KLHL32: variants seen among roughly 807,000 people sequenced by gnomAD.
The protein encoded by KLHL32 is kelch-like protein 32.
In KLHL32, 35 loss-of-function variants were observed where a neutral mutation model predicts 64.8. The observed-to-expected ratio is 0.54, with a 90% CI of 0.41 to 0.72. The LOEUF (loss-of-function observed/expected upper bound fraction) is 0.72. Ranked by LOEUF, KLHL32 falls within the 30% of genes least tolerant of loss-of-function variation. The pLI is 0.00. For missense variants in KLHL32, 589 were observed against 768.5 expected (o/e 0.77, Z 2.76); for synonymous variants, 259 against 281.0 (o/e 0.92, Z 0.78).
At chr6:96,915,538 G>C in the KLHL32 span, among the ~76,000 whole-genome samples, 2 of 152,150 alleles carry the variant, frequency 1.3e-5, no homozygotes, top group African/African-American at 2.4e-5. Context: ...AAGCAGCTCT[G>C]AGTTAGAGGA....
intron 3 of KLHL32, among the ~76,000 whole-genome samples, chr6:96,986,674 G>A (rs191590597): frequency 7.2e-5 from 11 of 152,316 alleles, no homozygotes; most frequent in African/African-American, 2.4e-4. Context: ...TCCAAGCAAT[G>A]CACGGGATAT....
In KLHL32 at chr6:97,084,058, G is replaced by T. The variant is rs113258128; in HGVS notation, c.412-1068G>T. Among the ~76,000 whole-genome samples, 280 of 152,258 alleles carry T rather than the reference G, an allele frequency of 1.8e-3. 1 individual carries two copies. Among genetic ancestry groups the T allele is most frequent in the African/African-American group, 6.6e-3 (273 of 41,528 alleles). ...CCACTTTATACAGTTATCTGCTGAG[G>T]TGCAAACTATGCACCTCAGTAAGGA... On this transcript the variant is annotated intron_variant, in intron 5 of 10. Coordinates refer to ENST00000369261, the MANE Select transcript of KLHL32 (RefSeq NM_052904.4).
chr6:97,056,186 A>G (rs1787878938), intron 4 of KLHL32, among the ~76,000 whole-genome samples: 1 of 145,010 alleles, frequency 6.9e-6, no homozygotes, highest in African/African-American at 2.6e-5. Flanking sequence ...GCTCACTGGA[A>G]GCTCCGCTTC....
At chr6:97,082,143 G>A (rs1006201254) in intron 5 of KLHL32, among the ~76,000 whole-genome samples, 1 of 152,204 alleles carries the variant, frequency 6.6e-6, no homozygotes, top group African/African-American at 2.4e-5. Context: ...AAGAAGTCCA[G>A]ACGGGATGAT....
At chr6:96,931,842 A>G (rs1488156068) in intron 1 of KLHL32, among the ~76,000 whole-genome samples, 2 of 152,144 alleles carry the variant, frequency 1.3e-5, no homozygotes, top group Admixed American at 6.5e-5. Context: ...TTTTGTCTGC[A>G]TCACATTCAC....
upstream of KLHL32, among the ~76,000 whole-genome samples, chr6:96,921,010 A>G (rs923836432): frequency 1.3e-5 from 2 of 152,224 alleles, no homozygotes; most frequent in Admixed American, 1.3e-4. Flanking sequence ...TTGGATTCTC[A>G]TAAGCTCTTC....
At chr6:97,113,705 T>C in intron 6 of KLHL32, 78 bp from the exon 7 acceptor site, 1 of 1,511,320 alleles carries the variant, frequency 6.6e-7, no homozygotes, top group Non-Finnish European at 9.0e-7. Context: ...AGAATACAGG[T>C]AACCTACCTA....
In KLHL32 at chr6:97,068,796, C is replaced by T. The variant is rs147777616; in HGVS notation, c.411+4070C>T. 3.0e-3 allele frequency among the ~76,000 whole-genome samples: 450 copies of T among 152,120 alleles called. 2 individuals carry two copies. The highest frequency in any genetic ancestry group is 0.011 in the African/African-American group (437 of 41,530). ...CACTCATTAGGTTATGAATTAAATACATCGTATTAAACCAGGGGCATGTCC... is the reference window on the plus strand; with the variant it reads ...CACTCATTAGGTTATGAATTAAATATATCGTATTAAACCAGGGGCATGTCC... On this transcript the variant is annotated intron_variant, in intron 5 of 10. Coordinates refer to ENST00000369261, the MANE Select transcript of KLHL32 (RefSeq NM_052904.4).
At chr6:96,928,378 G>A (rs1051034883) in intron 1 of KLHL32, among the ~76,000 whole-genome samples, 1 of 152,172 alleles carries the variant, frequency 6.6e-6, no homozygotes, top group African/African-American at 2.4e-5. Flanking sequence ...GTAGCTGAGC[G>A]AGTGATGAAA....
chr6:97,084,888 A>T (rs570021152), intron 5 of KLHL32, among the ~76,000 whole-genome samples: 17 of 152,292 alleles, frequency 1.1e-4, no homozygotes, highest in African/African-American at 3.9e-4. Context: ...TTTTATTAAG[A>T]TGTCTTTAAA....
intron 3 of KLHL32, among the ~76,000 whole-genome samples, chr6:97,020,157 G>A (rs1034449851): frequency 4.6e-5 from 7 of 151,260 alleles, no homozygotes; most frequent in African/African-American, 1.7e-4. Context: ...TGGCCAGGCT[G>A]GTCTCAAACT....
intron 3 of KLHL32, among the ~76,000 whole-genome samples, chr6:96,991,871 G>A (rs73494858): frequency 6.6e-6 from 1 of 151,960 alleles, no homozygotes; most frequent in Non-Finnish European, 1.5e-5. Flanking sequence ...GGCGGGGGAC[G>A]GCATTGAAAA....
At chr6:96,933,944 T>C in intron 1 of KLHL32, among the ~76,000 whole-genome samples, 1 of 152,220 alleles carries the variant, frequency 6.6e-6, no homozygotes, top group East Asian at 1.9e-4. Context: ...GTTTTCACTC[T>C]GTAAGGAGTG....
At chr6:97,016,285 G>A (rs373614171) in intron 3 of KLHL32, among the ~76,000 whole-genome samples, 3 of 152,364 alleles carry the variant, frequency 2.0e-5, no homozygotes, top group South Asian at 4.1e-4. Context: ...GCCCATGAAA[G>A]CAGAGAGGGG....
chr6:97,031,781 G>A (rs963341679), intron 3 of KLHL32, among the ~76,000 whole-genome samples: 1 of 152,162 alleles, frequency 6.6e-6, no homozygotes, highest in African/African-American at 2.4e-5. Flanking sequence ...CCTGAAGCCA[G>A]AGATAGGGAT....
At chr6:96,922,744 A>C (rs1203200384), upstream of KLHL32, among the ~76,000 whole-genome samples, 3 of 152,238 alleles carry the variant, frequency 2.0e-5, no homozygotes, top group Admixed American at 6.5e-5. Flanking sequence ...CTAAGAGAGA[A>C]ATGGTGCCTA....
In KLHL32 at chr6:97,114,094, TG is replaced by T; in HGVS notation, c.940del (p.Asp314IlefsTer7). The part of the protein sequence containing the change: ...VKELRYFNPV[D>X]QENALIAAIA... ...AGGAACTTCGGTACTTCAATCCTGT[TG>T]ATCAGGAGAATGCTCTCATAGCTGC... On this transcript the variant is annotated frameshift_variant, in exon 7 of 11. Coordinates refer to ENST00000369261, the MANE Select transcript of KLHL32 (RefSeq NM_052904.4). LOFTEE classifies it high-confidence loss of function. 1.2e-6 allele frequency: 2 copies of T among 1,614,218 alleles called. No homozygotes were observed. Among genetic ancestry groups the T allele is most frequent in the East Asian group, 2.2e-5 (1 of 44,890 alleles).
chr6:97,064,571 C>A (rs1038815683), intron 4 of KLHL32, 57 bp from the exon 5 acceptor site: 29 of 1,209,984 alleles, frequency 2.4e-5, no homozygotes, highest in South Asian at 2.2e-4. Context: ...ACATATTAAG[C>A]AGCATTATAT....
intron 1 of KLHL32, among the ~76,000 whole-genome samples, chr6:96,943,171 CAT>C (rs1771534209): frequency 1.3e-5 from 2 of 152,140 alleles, no homozygotes; most frequent in South Asian, 4.2e-4. Context: ...CATACACACA[CAT>C]GCCTATACAT....
Sources: gnomAD v4.1 joint callset for allele counts (sites outside exome capture counted in the v4.1 genomes callset) on GRCh38, gnomAD v4.1.1 for gene constraint, MANE v1.5 for transcripts, NCBI Gene and HGNC (gene_info 2026-07-23, HGNC 2026-07-21) for gene names.